ZW10: variants seen among roughly 807,000 people sequenced by gnomAD.
The protein encoded by ZW10 is centromere/kinetochore protein zw10 homolog.
ZW10 carries 53 observed loss-of-function variants against 87.8 expected under a neutral mutation model. The ratio of observed to expected loss-of-function variants is 0.60; its 90% confidence interval spans 0.48 to 0.76. The LOEUF (loss-of-function observed/expected upper bound fraction) is 0.76. Ranked by LOEUF, ZW10 falls within the 30% of genes least tolerant of loss-of-function variation. ZW10 has a pLI of 0.00. For synonymous variants in ZW10, 312 were observed against 329.2 expected (o/e 0.95, Z 0.57); for missense variants, 837 against 923.0 (o/e 0.91, Z 1.21).
intron 1 of ZW10, among the ~76,000 whole-genome samples, chr11:113,772,733 G>A (rs1178056905): frequency 6.6e-6 from 1 of 151,608 alleles, no homozygotes; most frequent in Non-Finnish European, 1.5e-5. Flanking sequence ...AGCACTTTGG[G>A]AGGCCGAGGC....
intron 14 of ZW10, 66 bp downstream of exon 14, chr11:113,737,506 T>C (rs1174043201): frequency 1.0e-5 from 15 of 1,435,504 alleles, no homozygotes; most frequent in Non-Finnish European, 1.1e-5. Context: ...ATCACTTTCT[T>C]AGCAAAGTCA....
In ZW10 at chr11:113,733,554, ACGTT is replaced by A; in HGVS notation, c.*136_*139del. On this transcript the variant is annotated 3_prime_UTR_variant, in exon 16 of 16. Coordinates refer to ENST00000200135, the MANE Select transcript of ZW10 (RefSeq NM_004724.4). ...AGCCTCGTACAGGCCAGGAGGTAAG[ACGTT>A]CTTCTGTAAAGTCAAACTTCCAAGA... The A allele has an allele frequency of 9.0e-7, 1 of 1,105,630 alleles. No homozygotes were observed. The highest frequency in any genetic ancestry group is 1.3e-6 in the Non-Finnish European group (1 of 753,326). 68.5% of individuals were successfully genotyped at this position (1,105,630 alleles called of 1,614,324 possible).
At chr11:113,752,972 GTT>G (rs969560342) in intron 7 of ZW10, among the ~76,000 whole-genome samples, 1 of 152,102 alleles carries the variant, frequency 6.6e-6, no homozygotes, top group South Asian at 2.1e-4. Context: ...AAAAGACTGG[GTT>G]TTTTTAGTGT....
Position 113,758,702 on chromosome 11 carries a change from G to A in ZW10, c.585C>T (p.Thr195=), listed in dbSNP as rs1472216053. Residue 195 remains threonine (T), a synonymous_variant, in exon 6 of 16, where the codon ACC becomes ACT. Coordinates refer to ENST00000200135, the MANE Select transcript of ZW10 (RefSeq NM_004724.4). ...TTTGTAGGTAAGATTCCAAACTGCT[G>A]GTATCTAAGAAAAAGGAAGAAAAAT... ...IVWKFPPSKD[T]SSLESYLQTE... 3 of 1,613,492 alleles carry A rather than the reference G, an allele frequency of 1.9e-6. No individual in the cohort carries two copies. The highest frequency in any genetic ancestry group is 1.7e-6 in the Non-Finnish European group (2 of 1,179,840).
chr11:113,757,658 A>G lies in ZW10; in HGVS notation c.925+4T>C. On this transcript the variant is annotated splice_donor_region_variant and intron_variant, in intron 7 of 15. Transcript: ENST00000200135. ...TATAAAAGCACTGCCTTGGAGACAC[A>G]TACCTAGAAGCTGTTTCTGGAGCAC... The G allele has an allele frequency of 1.3e-6, 2 of 1,517,212 alleles. No homozygotes were observed. The highest frequency in any genetic ancestry group is 1.8e-6 in the Non-Finnish European group (2 of 1,125,570). 94.0% of individuals were successfully genotyped at this position (1,517,212 alleles called of 1,614,324 possible).
intron 5 of ZW10, among the ~76,000 whole-genome samples, 171 bp downstream of exon 5, chr11:113,760,038 G>A (rs1953840391): frequency 6.6e-6 from 1 of 152,184 alleles, no homozygotes; most frequent in Non-Finnish European, 1.5e-5. Context: ...GCACTTTAGG[G>A]ACCCAGATGA....
At chr11:113,737,057 A>G (rs1488863635) in intron 14 of ZW10, among the ~76,000 whole-genome samples, 1 of 152,248 alleles carries the variant, frequency 6.6e-6, no homozygotes, top group Non-Finnish European at 1.5e-5. Flanking sequence ...TGCATGAAAG[A>G]GCCTGTTTCT....
chr11:113,770,919 G>A lies in ZW10; in HGVS notation c.106-1952C>T, dbSNP rs559256269. ...AGATGAAGGTTGCACGTTGCACACA[G>A]GCTCATTAACGTCAGTCTGTACTTC... On this transcript the variant is annotated intron_variant, in intron 1 of 15. Coordinates refer to ENST00000200135, the MANE Select transcript of ZW10 (RefSeq NM_004724.4). Among the ~76,000 whole-genome samples the A allele has an allele frequency of 1.1e-4, 17 of 150,760 alleles. No homozygotes were observed. In the South Asian group the frequency reaches 1.7e-3, roughly 15 times the overall value.
rs1428567622 is a variant in ZW10, at chr11:113,736,693, A to T, written c.2146T>A (p.Tyr716Asn). The T allele has an allele frequency of 1.2e-6, 2 of 1,614,122 alleles. No individual in the cohort carries two copies. Among genetic ancestry groups the T allele is most frequent in the Middle Eastern group, 3.3e-4 (2 of 6,084 alleles). The part of the protein sequence containing the change: ...NKKYQEEVPV[Y>N]VPKWMPFKEL... The stretch of plus-strand genomic sequence containing the variant: ...TTGAATGGCATCCATTTTGGCACAT[A>T]GACTGGAACCTCTTCTTGATATTTC... Residue 716 changes from tyrosine to asparagine, a missense_variant, in exon 15 of 16, where the codon TAT (tyrosine) becomes AAT (asparagine). Tyr to Asn is a moderately radical substitution (Grantham distance 143). Transcript: ENST00000200135.
intron 15 of ZW10, among the ~76,000 whole-genome samples, chr11:113,734,931 C>T (rs1192393712): frequency 1.3e-5 from 2 of 151,918 alleles, no homozygotes; most frequent in African/African-American, 2.4e-5. Flanking sequence ...ATTTAGGATA[C>T]ATGTAAATGG....
Position 113,760,806 on chromosome 11 carries a change from A to G in ZW10, c.342+11T>C, listed in dbSNP as rs754485337. ...CACCAAAACACTAAGGTTCAAGTTG[A>G]GTTTACTGACCTCCTGCAACTGTTT... On this transcript the variant is annotated intron_variant, in intron 3 of 15. Transcript: ENST00000200135. 1.9e-6 allele frequency: 3 copies of G among 1,611,736 alleles called. No homozygotes were observed. Among genetic ancestry groups the G allele is most frequent in the Non-Finnish European group, 2.5e-6 (3 of 1,178,068 alleles).
At chr11:113,755,093 G>T (rs1953769489) in intron 7 of ZW10, among the ~76,000 whole-genome samples, 1 of 152,212 alleles carries the variant, frequency 6.6e-6, no homozygotes, top group Non-Finnish European at 1.5e-5. Context: ...ATGTTTTGAT[G>T]CCTGCTAACA....
chr11:113,750,647 C>T (rs1041561226), intron 7 of ZW10, among the ~76,000 whole-genome samples: 2 of 152,080 alleles, frequency 1.3e-5, no homozygotes, highest in African/African-American at 4.8e-5. Flanking sequence ...TATTAAGGGA[C>T]ATTTTCAGCA....
intron 8 of ZW10, 30 bp from the exon 9 acceptor site, chr11:113,747,743 A>G: frequency 6.5e-7 from 1 of 1,532,024 alleles, no homozygotes; most frequent in Non-Finnish European, 8.9e-7. Context: ...AAAGAAAAGA[A>G]TCATTTACAT....
rs1208228376 is a variant in ZW10 at position 113,754,404 on chromosome 11, G to A, written c.925+3258C>T. On this transcript the variant is annotated intron_variant, in intron 7 of 15. Coordinates refer to ENST00000200135, the MANE Select transcript of ZW10 (RefSeq NM_004724.4). ...GGAGGCTGAGGCACGAGAATCGCTT[G>A]AACCCAGGAGGCAGAGGTTGCAGTG... is the stretch of plus-strand genomic sequence containing the variant. Among the ~76,000 whole-genome samples the A allele has an allele frequency of 4.6e-5, 7 of 152,122 alleles. No homozygotes were observed. In the East Asian group the frequency reaches 1.2e-3, roughly 25 times the overall value.
At chr11:113,760,412 CAG>C in intron 4 of ZW10, 44 bp from the exon 5 acceptor site, 2 of 1,608,360 alleles carry the variant, frequency 1.2e-6, no homozygotes, top group Non-Finnish European at 1.7e-6. Flanking sequence ...CATCTGGACT[CAG>C]GGCAATTAGA....
chr11:113,757,023 T>C (rs1032105565), intron 7 of ZW10, among the ~76,000 whole-genome samples: 55 of 152,076 alleles, frequency 3.6e-4, no homozygotes, highest in Non-Finnish European at 2.9e-4. Context: ...ATTTCTTTTT[T>C]ACTTTAGCCA....
chr11:113,767,758 T>G (rs542002897), intron 2 of ZW10, among the ~76,000 whole-genome samples: 4 of 152,210 alleles, frequency 2.6e-5, no homozygotes, highest in East Asian at 3.9e-4. Context: ...TAACCTGATA[T>G]GCAAGGCCCT....
chr11:113,756,975 G>C (rs1565285597), intron 7 of ZW10, among the ~76,000 whole-genome samples: 1 of 151,934 alleles, frequency 6.6e-6, no homozygotes, highest in Non-Finnish European at 1.5e-5. Flanking sequence ...TAAATATACA[G>C]TATATGACTG....
Sources: allele counts gnomAD v4.1 joint callset (sites outside exome capture counted in the v4.1 genomes callset), GRCh38; gene constraint gnomAD v4.1.1; transcripts MANE v1.5; gene names NCBI Gene and HGNC (gene_info 2026-07-23, HGNC 2026-07-21).